Variants in RHBDL3 observed in about 807,000 individuals in gnomAD.
The protein encoded by RHBDL3 is rhomboid like 3, also known as rhomboid-related protein 3.
RHBDL3 carries 28 observed loss-of-function variants against 48.2 expected under a neutral mutation model. That is an observed-to-expected ratio of 0.58 (90% CI 0.43 to 0.80). The LOEUF (loss-of-function observed/expected upper bound fraction) is 0.80, where lower values mean the gene tolerates loss of function less well. Ranked by LOEUF, RHBDL3 falls within the 30% of genes least tolerant of loss-of-function variation. The pLI, the probability that RHBDL3 is intolerant of heterozygous loss-of-function variation, is 0.00. For synonymous variants in RHBDL3, 208 were observed against 232.3 expected (o/e 0.90, Z 0.95); for missense variants, 464 against 542.7 (o/e 0.85, Z 1.44).
chr17:32,277,046 G>T (rs1337099106), intron 2 of RHBDL3, among the ~76,000 whole-genome samples: 2 of 152,240 alleles, frequency 1.3e-5, no homozygotes, highest in African/African-American at 2.4e-5. Context: ...CTGCCTTGGT[G>T]TGTGTACATG....
intron 5 of RHBDL3, among the ~76,000 whole-genome samples, chr17:32,297,652 C>CTTTTT (rs71362824): frequency 5.9e-5 from 3 of 50,944 alleles, no homozygotes; most frequent in Non-Finnish European, 3.8e-5. Context: ...GTTGCTGGAT[C>CTTTTT]TTTTTTTTTT....
At chr17:32,312,417 AG>A (rs1051508545) in intron 7 of RHBDL3, among the ~76,000 whole-genome samples, 1 of 152,160 alleles carries the variant, frequency 6.6e-6, no homozygotes, top group Non-Finnish European at 1.5e-5. Context: ...CCTGGGCAAT[AG>A]AGTAAGACCC....
At position 32,294,304 on chromosome 17, in the gene RHBDL3, T is replaced by C. The variant is rs773801787; in HGVS notation, c.530T>C (p.Phe177Ser). The change falls in exon 5 of 9, where the codon TTC becomes TCC. Residue 177 changes from phenylalanine (F) to serine (S), a missense_variant. Phe to Ser is a radical substitution (Grantham distance 155). Coordinates refer to ENST00000269051, the MANE Select transcript of RHBDL3 (RefSeq NM_138328.3). Reference sequence around the variant, plus strand: ...CTCTCTTCTGTCCAGGTTGCCTTTTTCCTCTACAATGGGGTGTCACTAGGT... The same window carrying C: ...CTCTCTTCTGTCCAGGTTGCCTTTTCCCTCTACAATGGGGTGTCACTAGGT... The part of the protein sequence containing the change: ...ITVTLLEVAF[F>S]LYNGVSLGQF... The C allele has an allele frequency of 6.2e-7, 1 of 1,613,782 alleles. No individual in the cohort carries two copies. Among genetic ancestry groups the C allele is most frequent in the Non-Finnish European group, 8.5e-7 (1 of 1,179,888 alleles).
chr17:32,307,115 T>C (rs572363785), intron 7 of RHBDL3, among the ~76,000 whole-genome samples: 3 of 152,160 alleles, frequency 2.0e-5, no homozygotes, highest in Non-Finnish European at 4.4e-5. Flanking sequence ...AATCCTTTTT[T>C]TGGAGGCGGT....
intron 2 of RHBDL3, among the ~76,000 whole-genome samples, chr17:32,279,940 GC>G (rs1170738371): frequency 6.6e-6 from 1 of 152,228 alleles, no homozygotes; most frequent in Non-Finnish European, 1.5e-5. Context: ...GATGGGCTGA[GC>G]GCCCCAGGAA....
Position 32,320,662 on chromosome 17 carries a change from G to A in RHBDL3, c.944-296G>A, listed in dbSNP as rs190846604. Among the ~76,000 whole-genome samples the A allele has an allele frequency of 4.2e-3, 647 of 152,276 alleles. 4 individuals carry two copies. Among genetic ancestry groups the A allele is most frequent in the African/African-American group, 6.0e-3 (248 of 41,546 alleles). On this transcript the variant is annotated intron_variant, in intron 8 of 8. Coordinates refer to ENST00000269051, the MANE Select transcript of RHBDL3 (RefSeq NM_138328.3). Reference sequence around the variant, plus strand: ...TTAGAGAGGTCTTGCGTGACTCCCCGGGCTAAAGAATTTCCCTCCTTAAAA... The same window carrying A: ...TTAGAGAGGTCTTGCGTGACTCCCCAGGCTAAAGAATTTCCCTCCTTAAAA...
At chr17:32,291,347 G>GA (rs1191048024) in intron 4 of RHBDL3, among the ~76,000 whole-genome samples, 134 of 126,104 alleles carry the variant, frequency 1.1e-3, no homozygotes, top group South Asian at 2.0e-3. Context: ...AAGAAAAAAA[G>GA]AAAAAAAAAA....
chr17:32,271,639 T>TC (rs1175656965), intron 2 of RHBDL3, among the ~76,000 whole-genome samples: 1 of 152,220 alleles, frequency 6.6e-6, no homozygotes, highest in African/African-American at 2.4e-5. Context: ...TAAAAATGCC[T>TC]CCAAGATCTG....
At chr17:32,304,221 C>T (rs2040655520) in intron 6 of RHBDL3, among the ~76,000 whole-genome samples, 1 of 152,222 alleles carries the variant, frequency 6.6e-6, no homozygotes, top group Non-Finnish European at 1.5e-5. Context: ...TTCCCCATGA[C>T]TTTTCAAGGA....
At chr17:32,318,866 A>C (rs925025229) in intron 8 of RHBDL3, among the ~76,000 whole-genome samples, 2 of 152,082 alleles carry the variant, frequency 1.3e-5, no homozygotes, top group Non-Finnish European at 2.9e-5. Flanking sequence ...CACCTTCCTT[A>C]CTTCTTACCC....
At chr17:32,296,120 C>T (rs567469177) in intron 5 of RHBDL3, among the ~76,000 whole-genome samples, 5 of 150,432 alleles carry the variant, frequency 3.3e-5, no homozygotes, top group South Asian at 2.1e-4. Flanking sequence ...CCCACCTACT[C>T]GGGAGGCTGA....
At chr17:32,316,369 C>A in intron 8 of RHBDL3, 77 bp downstream of exon 8, 1 of 1,097,740 alleles carries the variant, frequency 9.1e-7, no homozygotes, top group Non-Finnish European at 1.4e-6. Flanking sequence ...AGTTCCTGCC[C>A]TTCACGGGCT....
At chr17:32,319,421 CAAAAAAA>C (rs541383037) in intron 8 of RHBDL3, among the ~76,000 whole-genome samples, 21 of 79,846 alleles carry the variant, frequency 2.6e-4, no homozygotes, top group African/African-American at 4.8e-4. Context: ...GATTCCGTCT[CAAAAAAA>C]AAAAAAAAAA....
chr17:32,291,882 C>T (rs2040339595), intron 4 of RHBDL3, among the ~76,000 whole-genome samples: 1 of 150,956 alleles, frequency 6.6e-6, no homozygotes, highest in East Asian at 2.0e-4. Flanking sequence ...AGCAATTCTC[C>T]TGCCTCAGCC....
intron 8 of RHBDL3, among the ~76,000 whole-genome samples, chr17:32,319,670 C>T (rs1192045160): frequency 6.6e-6 from 1 of 152,074 alleles, no homozygotes; most frequent in Non-Finnish European, 1.5e-5. Flanking sequence ...GGCTGGGCAA[C>T]CCCAAGGGAA....
intron 4 of RHBDL3, among the ~76,000 whole-genome samples, chr17:32,289,726 C>G (rs575651167): frequency 6.6e-6 from 1 of 152,214 alleles, no homozygotes; most frequent in Non-Finnish European, 1.5e-5. Context: ...TTTGGGTCCT[C>G]CACTCAACAA....
chr17:32,273,974 G>A (rs1160823493), intron 2 of RHBDL3, among the ~76,000 whole-genome samples: 8 of 152,166 alleles, frequency 5.3e-5, no homozygotes, highest in African/African-American at 1.7e-4. Context: ...GGCCTCAAGC[G>A]ATCTGCCTGC....
At chr17:32,300,989 T>C (rs2040569217) in intron 6 of RHBDL3, among the ~76,000 whole-genome samples, 1 of 152,276 alleles carries the variant, frequency 6.6e-6, no homozygotes, top group East Asian at 1.9e-4. Flanking sequence ...CAAGCAATTC[T>C]CTGCCTCAGC....
At chr17:32,316,179 C>T in intron 7 of RHBDL3, 53 bp from the exon 8 acceptor site, 3 of 1,292,152 alleles carry the variant, frequency 2.3e-6, no homozygotes, top group Non-Finnish European at 3.4e-6. Flanking sequence ...GCAAGACACA[C>T]CGGCAGAAGA....
Sources: allele counts gnomAD v4.1 joint callset (sites outside exome capture counted in the v4.1 genomes callset), GRCh38; gene constraint gnomAD v4.1.1; transcripts MANE v1.5; gene names NCBI Gene and HGNC (gene_info 2026-07-23, HGNC 2026-07-21).